DDX19B: variants seen among roughly 807,000 people sequenced by gnomAD.
The protein encoded by DDX19B is ATP-dependent RNA helicase DDX19B.
DDX19B carries 27 observed loss-of-function variants against 58.1 expected under a neutral mutation model. That is an observed-to-expected ratio of 0.46 (90% CI 0.34 to 0.64). The LOEUF is 0.64. Ranked by LOEUF, DDX19B falls within the 30% of genes least tolerant of loss-of-function variation. The pLI is 0.01. For missense variants in DDX19B, 399 were observed against 596.5 expected, an observed-to-expected ratio of 0.67 and a Z score of 3.45; for synonymous variants, 187 against 214.4, an observed-to-expected ratio of 0.87 and a Z score of 1.12.
upstream of DDX19B, among the ~76,000 whole-genome samples, chr16:70,295,450 A>ATT (rs1555544525): frequency 7.0e-6 from 1 of 142,998 alleles, no homozygotes. Context: ...CTTAAAAAAA[A>ATT]TTTTTTTTTT....
intron 1 of DDX19B, among the ~76,000 whole-genome samples, chr16:70,311,846 T>C (rs964183210): frequency 6.6e-6 from 1 of 151,758 alleles, no homozygotes; most frequent in African/African-American, 2.4e-5. Flanking sequence ...TCTTTTCTTT[T>C]CTTTTTTTTT....
chr16:70,299,247 G>C lies in DDX19B; in HGVS notation c.-51G>C. On this transcript the variant is annotated 5_prime_UTR_variant, in exon 1 of 12. Transcript: ENST00000288071. ...GAACCCCCGGAGCCCACGATCCCTCGTGCCATCCCTCGAATCCACCAGCAC... is the reference window on the plus strand; with the variant it reads ...GAACCCCCGGAGCCCACGATCCCTCCTGCCATCCCTCGAATCCACCAGCAC... 1 of 1,508,804 alleles carries C rather than the reference G, an allele frequency of 6.6e-7. No individual in the cohort carries two copies. The highest frequency in any genetic ancestry group is 8.9e-7 in the Non-Finnish European group (1 of 1,127,492). The allele number at this position is 1,508,804 out of a possible 1,614,324, so 93.5% of individuals were successfully genotyped here. A position where few individuals can be genotyped will look rare whatever the true frequency, so the allele number is the denominator to read the frequency against.
At chr16:70,329,783 C>T (rs1313249854) in intron 8 of DDX19B, 48 bp from the exon 9 acceptor site, 32 of 1,610,070 alleles carry the variant, frequency 2.0e-5, no homozygotes, top group Non-Finnish European at 2.5e-5. Flanking sequence ...GTGCTTCTGT[C>T]GCTTCCCGGG....
upstream of DDX19B, chr16:70,295,098 G>C (rs1008928683): frequency 7.8e-7 from 1 of 1,276,568 alleles, no homozygotes; most frequent in Non-Finnish European, 9.9e-7. Flanking sequence ...AGGGGAAACT[G>C]AGACTGGCTA....
At chr16:70,320,960 CTT>C (rs904476486) in intron 5 of DDX19B, among the ~76,000 whole-genome samples, 22 of 108,640 alleles carry the variant, frequency 2.0e-4, no homozygotes, top group Admixed American at 3.1e-4. Context: ...CCACACTAGG[CTT>C]TTTTTTTTTT....
chr16:70,299,787 T>A (rs1429449097), intron 1 of DDX19B, among the ~76,000 whole-genome samples: 5 of 152,278 alleles, frequency 3.3e-5, no homozygotes, highest in South Asian at 4.1e-4. Context: ...GTAATAGTTA[T>A]TTTAGGTGTC....
intron 4 of DDX19B, 139 bp from the exon 5 acceptor site, chr16:70,317,357 G>A: frequency 3.5e-6 from 2 of 575,870 alleles, no homozygotes; most frequent in Non-Finnish European, 6.0e-6. Flanking sequence ...CTGCAGCCTG[G>A]GCAATAGATC....
chr16:70,329,498 C>T (rs1332539918), intron 8 of DDX19B, 29 bp downstream of exon 8: 1 of 1,612,246 alleles, frequency 6.2e-7, no homozygotes, highest in Non-Finnish European at 8.5e-7. Flanking sequence ...GGGGACTCCT[C>T]AGATTCCCCA....
intron 1 of DDX19B, among the ~76,000 whole-genome samples, chr16:70,307,665 A>C (rs1255555634): frequency 1.4e-5 from 2 of 147,362 alleles, no homozygotes; most frequent in African/African-American, 2.7e-5. Flanking sequence ...ATCTGGCCAT[A>C]TGTATATATA....
rs530111865 is a variant in DDX19B at position 70,313,356 on chromosome 16, G to A, written c.106+699G>A. ...TATAGAGATGAGGACTCCCTGTGTT[G>A]CCCAGGTTGGTTTCTAACTCCTAGG... On this transcript the variant is annotated intron_variant, in intron 2 of 11. Transcript: ENST00000288071. Among the ~76,000 whole-genome samples the A allele has an allele frequency of 3.9e-5, 6 of 152,050 alleles. No individual in the cohort carries two copies. The South Asian group carries it at 8.3e-4, about 21-fold the overall frequency.
Position 70,333,050 on chromosome 16 carries a change from C to T in DDX19B, c.1269C>T (p.Tyr423=), listed in dbSNP as rs777332826. ...DKDGNPDNET[Y]LHRIGRTGRF... ...ACGGGAATCCTGACAATGAGACCTA[C>T]CTGCACCGGATCGGGCGCACGGGCC... Residue 423 remains tyrosine, a synonymous_variant, in exon 11 of 12, where the codon TAC becomes TAT. Transcript: ENST00000288071. 1 of 1,612,324 alleles carries T rather than the reference C, an allele frequency of 6.2e-7. No individual in the cohort carries two copies. The highest frequency in any genetic ancestry group is 1.1e-5 in the South Asian group (1 of 90,936).
chr16:70,320,685 C>G (rs748244959), intron 5 of DDX19B, among the ~76,000 whole-genome samples: 25 of 151,832 alleles, frequency 1.6e-4, no homozygotes, highest in Admixed American at 3.3e-4. Flanking sequence ...TCCGGAGTAG[C>G]TGGGATTACA....
chr16:70,310,313 G>A (rs1292316292), intron 1 of DDX19B, among the ~76,000 whole-genome samples: 2 of 151,578 alleles, frequency 1.3e-5, no homozygotes, highest in South Asian at 2.1e-4. Context: ...CCCAGGAGGC[G>A]GAGGTTGCAG....
In DDX19B at chr16:70,333,150, G is replaced by A; in HGVS notation, c.1369G>A (p.Glu457Lys). Residue 457 changes from glutamate (E) to lysine (K), a missense_variant, in exon 11 of 12, where the codon GAG becomes AAG. By Grantham distance (56) the Glu-to-Lys change is moderately conservative (BLOSUM62 1). Around this residue, in one of 4 missense-constraint regions of DDX19B, gnomAD observed 198 missense variants for 345.9 expected, o/e 0.57. Coordinates refer to ENST00000288071, the MANE Select transcript of DDX19B (RefSeq NM_007242.7). The part of the protein sequence containing the change: ...HSMNILNRIQ[E>K]HFNKKIERLD... ...CATGAACATCCTGAACAGAATCCAG[G>A]AGCATTTTAGTGAGTCCCGGGGAGG... 1 of 1,469,920 alleles carries A rather than the reference G, an allele frequency of 6.8e-7. No individual in the cohort carries two copies. The highest frequency in any genetic ancestry group is 9.2e-7 in the Non-Finnish European group (1 of 1,090,368). The allele number at this position is 1,469,920 out of a possible 1,614,324, so 91.1% of individuals were successfully genotyped here. A position where few individuals can be genotyped will look rare whatever the true frequency, so the allele number is the denominator to read the frequency against.
At chr16:70,300,981 T>C (rs920936385) in intron 1 of DDX19B, among the ~76,000 whole-genome samples, 1 of 152,206 alleles carries the variant, frequency 6.6e-6, no homozygotes, top group African/African-American at 2.4e-5. Context: ...AAGTATTCTA[T>C]CAATTCCATT....
At chr16:70,322,313 G>A (rs1962879091) in intron 5 of DDX19B, among the ~76,000 whole-genome samples, 1 of 152,058 alleles carries the variant, frequency 6.6e-6, no homozygotes, top group South Asian at 2.1e-4. Flanking sequence ...TGTGGCGGCT[G>A]GGCGCAGTGG....
At chr16:70,320,085 T>C (rs896081073) in intron 5 of DDX19B, among the ~76,000 whole-genome samples, 4 of 152,090 alleles carry the variant, frequency 2.6e-5, no homozygotes, top group African/African-American at 9.7e-5. Flanking sequence ...TTTATATTTG[T>C]GGATCTAATA....
chr16:70,299,335 A>C lies in DDX19B; in HGVS notation c.38A>C (p.Gln13Pro). The C allele has an allele frequency of 6.2e-7, 1 of 1,609,274 alleles. No individual in the cohort carries two copies. Among genetic ancestry groups the C allele is most frequent in the Non-Finnish European group, 8.5e-7 (1 of 1,178,154 alleles). Residue 13 changes from glutamine to proline, a missense_variant, in exon 1 of 12, where the codon CAG becomes CCG. Around this residue, in one of 4 missense-constraint regions of DDX19B, gnomAD observed 132 missense variants for 159.4 expected, o/e 0.83. Transcript: ENST00000288071. ...TDSWALAVDE[Q>P]EAAAESLSNL... ...TCATGGGCCCTGGCGGTGGACGAGCAGGAAGCTGCGGCTGAGTCGGTGAGT... is the reference window on the plus strand; with the variant it reads ...TCATGGGCCCTGGCGGTGGACGAGCCGGAAGCTGCGGCTGAGTCGGTGAGT...
chr16:70,332,049 A>G (rs1963513485), intron 10 of DDX19B, among the ~76,000 whole-genome samples, 165 bp downstream of exon 10: 1 of 152,172 alleles, frequency 6.6e-6, no homozygotes, highest in African/African-American at 2.4e-5. Context: ...CCCTCAGGTG[A>G]TAAGAACTCC....
Sources: allele counts gnomAD v4.1 joint callset (sites outside exome capture counted in the v4.1 genomes callset), GRCh38; gene constraint gnomAD v4.1.1; regional missense constraint gnomAD v4.1.1; transcripts MANE v1.5; gene names NCBI Gene and HGNC (gene_info 2026-07-23, HGNC 2026-07-21).